The following ZMYM2 variants were observed in gnomAD, a reference collection of about 807,000 sequenced individuals.
ZMYM2 encodes zinc finger MYM-type protein 2.
ZMYM2 carries 56 observed loss-of-function variants against 162.8 expected under a neutral mutation model. The ratio of observed to expected loss-of-function variants is 0.34; its 90% CI spans 0.28 to 0.43. The LOEUF is 0.43. ZMYM2 is among the 20% of genes least tolerant of loss of function. The pLI is 1.00. For missense variants in ZMYM2, 1,275 were observed against 1,621.8 expected, an observed-to-expected ratio of 0.79 and a Z score of 3.67; for synonymous variants, 510 against 541.6, an observed-to-expected ratio of 0.94 and a Z score of 0.81.
chr13:20,046,564 A>AAAAATAT (rs766574183), intron 12 of ZMYM2, among the ~76,000 whole-genome samples: 1 of 103,868 alleles, frequency 9.6e-6, no homozygotes, highest in African/African-American at 3.5e-5. Context: ...TAAAAAAAAA[A>AAAAATAT]ATATATATAT....
chr13:19,867,827 T>C, the ZMYM2 span, among the ~76,000 whole-genome samples: 1 of 152,244 alleles, frequency 6.6e-6, no homozygotes, highest in South Asian at 2.1e-4. Context: ...GGTTTCACCA[T>C]GTTGGCCAGG....
At chr13:20,015,887 C>G (rs1951582854) in intron 6 of ZMYM2, among the ~76,000 whole-genome samples, 1 of 151,936 alleles carries the variant, frequency 6.6e-6, no homozygotes. Flanking sequence ...ATAAATCCTT[C>G]CTTATCAGTA....
intron 6 of ZMYM2, among the ~76,000 whole-genome samples, chr13:20,008,610 C>T (rs1950931366): frequency 6.6e-6 from 1 of 152,168 alleles, no homozygotes; most frequent in Admixed American, 6.5e-5. Context: ...ATTGAGCCAT[C>T]CTTGTATTCC....
At chr13:20,061,349 AACAAAAATGTTT>A in intron 17 of ZMYM2, 125 bp downstream of exon 17, 1 of 864,352 alleles carries the variant, frequency 1.2e-6, no homozygotes, top group Non-Finnish European at 1.5e-6. Flanking sequence ...AAAGCATTGT[AACAAAAATGTTT>A]TTTATATTAA....
At chr13:19,958,083 T>C (rs1462520812), upstream of ZMYM2, among the ~76,000 whole-genome samples, 1 of 151,702 alleles carries the variant, frequency 6.6e-6, no homozygotes, top group Non-Finnish European at 1.5e-5. Flanking sequence ...TGGCGGGAGG[T>C]GGGGGACTAT....
chr13:19,983,474 T>C (rs1957537341), intron 2 of ZMYM2, among the ~76,000 whole-genome samples: 2 of 151,984 alleles, frequency 1.3e-5, no homozygotes, highest in Non-Finnish European at 2.9e-5. Flanking sequence ...TCATTTCTTT[T>C]TTGTGTAATC....
chr13:19,915,042 AC>A, the ZMYM2 span, among the ~76,000 whole-genome samples: 1 of 152,094 alleles, frequency 6.6e-6, no homozygotes, highest in Non-Finnish European at 1.5e-5. Flanking sequence ...TACTACCAAA[AC>A]TTTAGCCTCC....
At chr13:20,042,742 G>C (rs1954385597) in intron 12 of ZMYM2, among the ~76,000 whole-genome samples, 1 of 149,950 alleles carries the variant, frequency 6.7e-6, no homozygotes, top group Non-Finnish European at 1.5e-5. Flanking sequence ...TTATTTTTTT[G>C]AGATAGGGTC....
chr13:19,994,030 T>G, intron 3 of ZMYM2, 111 bp downstream of exon 3: 6 of 1,226,906 alleles, frequency 4.9e-6, no homozygotes, highest in Non-Finnish European at 6.7e-6. Flanking sequence ...ATGTGAAATA[T>G]GTGAATTATA....
At chr13:20,000,391 A>T (rs948839036) in intron 3 of ZMYM2, among the ~76,000 whole-genome samples, 10 of 152,224 alleles carry the variant, frequency 6.6e-5, no homozygotes, top group Admixed American at 3.9e-4. Flanking sequence ...AAGATAATTG[A>T]TGTAGGTGGC....
intron 21 of ZMYM2, among the ~76,000 whole-genome samples, chr13:20,067,666 C>G (rs1956783111): frequency 6.6e-6 from 1 of 152,160 alleles, no homozygotes; most frequent in African/African-American, 2.4e-5. Flanking sequence ...TGTCATAACT[C>G]TGTAAATAGG....
At chr13:20,082,736 CTT>C in intron 22 of ZMYM2, 43 bp from the exon 23 acceptor site, 1 of 1,432,074 alleles carries the variant, frequency 7.0e-7, no homozygotes, top group African/African-American at 1.4e-5. Flanking sequence ...TAAATGAAAA[CTT>C]TTATTTATTA....
chr13:19,871,024 A>C, the ZMYM2 span, among the ~76,000 whole-genome samples: 1 of 152,196 alleles, frequency 6.6e-6, no homozygotes. Flanking sequence ...TAAATGGAAA[A>C]GTACCAGAGA....
In ZMYM2 at chr13:20,051,580, C is replaced by G. The variant is rs1955350423; in HGVS notation, c.2440C>G (p.Pro814Ala). ...NEPNMTTQKGPENLHYDQGCQ... is the reference protein window; with the variant it reads ...NEPNMTTQKGAENLHYDQGCQ... ...GCCCAACATGACAACTCAGAAAGGACCTGAAAACTTACATTATGGTATGTA... is the reference window on the plus strand; with the variant it reads ...GCCCAACATGACAACTCAGAAAGGAGCTGAAAACTTACATTATGGTATGTA... Residue 814 changes from proline to alanine, a missense_variant, in exon 13 of 25, where the codon CCT (proline) becomes GCT (alanine). By Grantham distance (27) the Pro-to-Ala change is conservative. Around this residue, in one of 10 missense-constraint regions of ZMYM2, gnomAD observed 177 missense variants for 228.0 expected, o/e 0.78. Transcript: ENST00000610343. The G allele has an allele frequency of 6.2e-7, 1 of 1,611,718 alleles. No individual in the cohort carries two copies.
chr13:19,896,830 T>C, the ZMYM2 span, among the ~76,000 whole-genome samples: 2 of 150,790 alleles, frequency 1.3e-5, no homozygotes, highest in African/African-American at 2.5e-5. Flanking sequence ...ATCCCAGCAC[T>C]TGGGGAGGCC....
chr13:19,989,006 A>G (rs1000914204), intron 2 of ZMYM2, among the ~76,000 whole-genome samples: 6 of 152,208 alleles, frequency 3.9e-5, no homozygotes, highest in South Asian at 2.1e-4. Flanking sequence ...GCAGAATCCA[A>G]AGTGCATCTG....
chr13:20,051,255 ATT>A (rs1555319992), intron 12 of ZMYM2, among the ~76,000 whole-genome samples, 176 bp from the exon 13 acceptor site: 1 of 133,796 alleles, frequency 7.5e-6, no homozygotes, highest in Admixed American at 7.7e-5. Flanking sequence ...GTGAAATTGT[ATT>A]TTTTTTTTTT....
intron 6 of ZMYM2, among the ~76,000 whole-genome samples, chr13:20,016,684 A>G (rs1951659516): frequency 6.6e-6 from 1 of 151,808 alleles, no homozygotes; most frequent in Non-Finnish European, 1.5e-5. Flanking sequence ...TTTGGCCTCC[A>G]TGGTTGTTTC....
intron 21 of ZMYM2, among the ~76,000 whole-genome samples, chr13:20,080,610 C>T (rs889597807): frequency 1.3e-5 from 2 of 152,082 alleles, no homozygotes; most frequent in African/African-American, 4.8e-5. Flanking sequence ...CTGCCTCAGC[C>T]CGTCAAGTCG....
Sources: gnomAD v4.1 joint callset for allele counts (sites outside exome capture counted in the v4.1 genomes callset) on GRCh38, gnomAD v4.1.1 for gene constraint, gnomAD v4.1.1 regional missense constraint, MANE v1.5 for transcripts, NCBI Gene and HGNC (gene_info 2026-07-23, HGNC 2026-07-21) for gene names.